GRHL2: variants seen among roughly 807,000 people sequenced by gnomAD.
The protein encoded by GRHL2 is grainyhead-like protein 2 homolog.
Under a neutral mutation model 83.8 loss-of-function variants are expected in GRHL2, and 21 were observed. That is an observed-to-expected ratio of 0.25 (90% confidence interval 0.18 to 0.36). The LOEUF (loss-of-function observed/expected upper bound fraction) is 0.36, where lower values mean the gene tolerates loss of function less well. Among genes scored for constraint, GRHL2 ranks in the 10% least tolerant of loss-of-function variants. The pLI is 1.00. For missense variants in GRHL2, 623 were observed against 781.8 expected (o/e 0.80, Z 2.42); for synonymous variants, 280 against 278.9 (o/e 1.00, Z -0.04).
At chr8:101,514,342 AG>A (rs760594720) in intron 1 of GRHL2, among the ~76,000 whole-genome samples, 143 of 152,322 alleles carry the variant, frequency 9.4e-4, no homozygotes, top group Non-Finnish European at 7.6e-4. Context: ...TGCTCCAAGA[AG>A]CAGACACCAT....
intron 1 of GRHL2, among the ~76,000 whole-genome samples, chr8:101,513,436 G>A (rs940945338): frequency 2.7e-5 from 4 of 150,498 alleles, no homozygotes; most frequent in East Asian, 1.9e-4. Context: ...TAACTGACAC[G>A]GGTCTCCTCT....
rs1563627051 is a variant in GRHL2 at position 101,652,434 on chromosome 8, GTCT to G, written c.1698+2936_1698+2938del. On this transcript the variant is annotated intron_variant, in intron 14 of 15. Transcript: ENST00000646743. Reference sequence around the variant, plus strand: ...TGTGGTGTGTGTGTGTGGTGTGTGTGTCTGGTGTGTGTGGTGTGTGTCTGGTGT... The same window carrying G: ...TGTGGTGTGTGTGTGTGGTGTGTGTGGGTGTGTGTGGTGTGTGTCTGGTGT... Among the ~76,000 whole-genome samples the G allele has an allele frequency of 1.5e-3, 35 of 23,524 alleles. 2 individuals are homozygous for G. The highest frequency in any genetic ancestry group is 2.3e-3 in the East Asian group (2 of 884). 15.4% of individuals were successfully genotyped at this position (23,524 alleles called of 152,430 possible). A position where few individuals can be genotyped will look rare whatever the true frequency, so the allele number is the denominator to read the frequency against.
chr8:101,556,237 G>A (rs899463824), intron 3 of GRHL2, among the ~76,000 whole-genome samples: 1 of 152,192 alleles, frequency 6.6e-6, no homozygotes, highest in African/African-American at 2.4e-5. Flanking sequence ...GATTACAGGT[G>A]TGAGCCACCA....
chr8:101,577,772 G>A (rs1811963151), intron 7 of GRHL2, among the ~76,000 whole-genome samples: 1 of 152,314 alleles, frequency 6.6e-6, no homozygotes, highest in Middle Eastern at 3.4e-3. Context: ...AGTTAGATTT[G>A]CAATGACCAT....
At chr8:101,628,532 C>T (rs1813124102) in intron 9 of GRHL2, among the ~76,000 whole-genome samples, 1 of 152,088 alleles carries the variant, frequency 6.6e-6, no homozygotes, top group South Asian at 2.1e-4. Context: ...ATCCATTCTG[C>T]AGCCCATGGA....
intron 7 of GRHL2, among the ~76,000 whole-genome samples, chr8:101,577,759 T>G (rs1811962965): frequency 6.6e-6 from 1 of 152,228 alleles, no homozygotes; most frequent in Non-Finnish European, 1.5e-5. Context: ...ATCATAGTCA[T>G]ATAGTTAGAT....
chr8:101,646,895 T>G (rs1299949850), intron 13 of GRHL2, among the ~76,000 whole-genome samples: 1 of 152,216 alleles, frequency 6.6e-6, no homozygotes, highest in East Asian at 1.9e-4. Flanking sequence ...GCACACCTTG[T>G]GAGTTGCTGT....
At chr8:101,643,369 C>CAA (rs56301334) in intron 12 of GRHL2, among the ~76,000 whole-genome samples, 11,564 of 96,586 alleles carry the variant, frequency 0.12, 1,419 homozygotes, top group Middle Eastern at 0.17. Flanking sequence ...CTGTTTCTCT[C>CAA]AAAAAAAAAA....
intron 7 of GRHL2, among the ~76,000 whole-genome samples, chr8:101,593,719 A>G (rs538267958): frequency 1.3e-5 from 2 of 152,274 alleles, no homozygotes; most frequent in South Asian, 4.1e-4. Context: ...TCTCAAGATA[A>G]GATCATCCTG....
intron 6 of GRHL2, among the ~76,000 whole-genome samples, chr8:101,576,087 G>A (rs533510880): frequency 6.6e-6 from 1 of 152,360 alleles, no homozygotes; most frequent in African/African-American, 2.4e-5. Context: ...CAGGGTGAAT[G>A]GCAGACACTG....
intron 7 of GRHL2, 24 bp from the exon 8 acceptor site, chr8:101,599,033 C>G (rs767262775): frequency 6.6e-7 from 1 of 1,526,564 alleles, no homozygotes; most frequent in Non-Finnish European, 9.1e-7. Context: ...CCTTTAAAAG[C>G]TTGTTCTTTT....
At chr8:101,612,422 T>A (rs975932942) in intron 8 of GRHL2, among the ~76,000 whole-genome samples, 18 of 150,690 alleles carry the variant, frequency 1.2e-4, no homozygotes, top group Non-Finnish European at 2.1e-4. Flanking sequence ...ATAGATAGAC[T>A]TCTGTATTTC....
At chr8:101,656,838 C>G (rs1167018838) in intron 14 of GRHL2, among the ~76,000 whole-genome samples, 1 of 145,240 alleles carries the variant, frequency 6.9e-6, no homozygotes, top group African/African-American at 2.7e-5. Flanking sequence ...ATGTGTCTGT[C>G]TGTGTGTCTG....
rs759288104 is a variant in GRHL2 at position 101,649,442 on chromosome 8, C to T, written c.1641C>T (p.Asp547=). The change falls in exon 14 of 16, where the codon GAC becomes GAT. Residue 547 remains aspartate (D), a synonymous_variant. Coordinates refer to ENST00000646743, the MANE Select transcript of GRHL2 (RefSeq NM_024915.4). ...TCTTGTACGTGAGGAAGGAGACTGACGATGTGTTCGATGCATTGATGTTGA... is the reference window on the plus strand; with the variant it reads ...TCTTGTACGTGAGGAAGGAGACTGATGATGTGTTCGATGCATTGATGTTGA... ...RVLLYVRKET[D]DVFDALMLKS... 218 of 1,613,848 alleles carry T rather than the reference C, an allele frequency of 1.4e-4. 1 individual carries two copies. Among genetic ancestry groups the T allele is most frequent in the Non-Finnish European group, 1.7e-4 (198 of 1,179,956 alleles).
intron 1 of GRHL2, among the ~76,000 whole-genome samples, chr8:101,508,403 T>C (rs79651304): frequency 6.6e-6 from 1 of 151,578 alleles, no homozygotes; most frequent in African/African-American, 2.4e-5. Context: ...TTTTTTTTTT[T>C]CATCACGGGA....
At chr8:101,498,731 T>C (rs1011704942) in intron 1 of GRHL2, among the ~76,000 whole-genome samples, 3 of 152,148 alleles carry the variant, frequency 2.0e-5, no homozygotes, top group South Asian at 4.1e-4. Context: ...TGAAAAGCTA[T>C]GTCTAGCAAT....
In GRHL2 at chr8:101,634,038, A is replaced by G. The variant is rs116229356; in HGVS notation, c.1485+1673A>G. On this transcript the variant is annotated intron_variant, in intron 11 of 15. Coordinates refer to ENST00000646743, the MANE Select transcript of GRHL2 (RefSeq NM_024915.4). ...GACCTCTCCTGCCCCCGGGTGTCAT[A>G]AGCCCGGCTGTCAGCCTGAGGTGGA... Among the ~76,000 whole-genome samples, 642 of 152,290 alleles carry G rather than the reference A, an allele frequency of 4.2e-3. 5 individuals are homozygous for G. The highest frequency in any genetic ancestry group is 0.014 in the African/African-American group (598 of 41,554).
intron 3 of GRHL2, among the ~76,000 whole-genome samples, chr8:101,557,990 G>A (rs1004451690): frequency 5.9e-5 from 9 of 151,968 alleles, no homozygotes; most frequent in Non-Finnish European, 1.0e-4. Context: ...TCAGCCTCCC[G>A]AGTAGCTGGG....
At chr8:101,679,549 C>T in the GRHL2 span, among the ~76,000 whole-genome samples, 3 of 149,700 alleles carry the variant, frequency 2.0e-5, no homozygotes, top group Non-Finnish European at 3.0e-5. Context: ...GGCAGGCCAA[C>T]GTTCAGATTC....
Sources: gnomAD v4.1 joint callset for allele counts (sites outside exome capture counted in the v4.1 genomes callset) on GRCh38, gnomAD v4.1.1 for gene constraint, MANE v1.5 for transcripts, NCBI Gene and HGNC (gene_info 2026-07-23, HGNC 2026-07-21) for gene names.